GDPD5: variants seen among roughly 807,000 people sequenced by gnomAD.
GDPD5 encodes glycerophosphodiester phosphodiesterase domain containing 5.
GDPD5 carries 48 observed loss-of-function variants against 75.1 expected under a neutral mutation model. The observed-to-expected ratio is 0.64, with a 90% confidence interval of 0.51 to 0.81. The LOEUF (loss-of-function observed/expected upper bound fraction) is 0.81, where lower values mean the gene tolerates loss of function less well. Ranked by LOEUF, GDPD5 falls within the 40% of genes least tolerant of loss-of-function variation. The pLI is 0.00. For missense variants in GDPD5, 706 were observed against 822.6 expected (o/e 0.86, Z 1.73); for synonymous variants, 336 against 339.0 (o/e 0.99, Z 0.10).
chr11:75,471,678 C>T (rs952902245), intron 3 of GDPD5, among the ~76,000 whole-genome samples: 2 of 152,130 alleles, frequency 1.3e-5, no homozygotes, highest in African/African-American at 4.8e-5. Context: ...TCCTGCCCCA[C>T]CCTTGCTCAA....
chr11:75,512,323 C>CACACACACACAG (rs1433320504), intron 1 of GDPD5, among the ~76,000 whole-genome samples: 3 of 148,614 alleles, frequency 2.0e-5, no homozygotes, highest in Admixed American at 6.8e-5. Context: ...CACACACACA[C>CACACACACACAG]ACGAGGGGAG....
In GDPD5 at chr11:75,462,897, A is replaced by T. The variant is rs778145324; in HGVS notation, c.118-8T>A. ...GAACCAGAGGCGCTCCCACTGGAAG[A>T]GCAGAGGAGGAGGGGATTAAGTGGG... On this transcript the variant is annotated splice_region_variant and splice_polypyrimidine_tract_variant and intron_variant, in intron 3 of 16. Transcript: ENST00000336898. 10 of 1,611,284 alleles carry T rather than the reference A, an allele frequency of 6.2e-6. No homozygotes were observed. Among genetic ancestry groups the T allele is most frequent in the Non-Finnish European group, 7.6e-6 (9 of 1,178,226 alleles).
chr11:75,442,668 C>T (rs1252542580), intron 11 of GDPD5, 87 bp from the exon 12 acceptor site: 1 of 1,185,510 alleles, frequency 8.4e-7, no homozygotes, highest in African/African-American at 1.5e-5. Context: ...GCGTGGAGAC[C>T]CCTGGGCTGC....
At chr11:75,477,427 TTCCATGCCCTCCTG>T (rs1238872855) in intron 3 of GDPD5, among the ~76,000 whole-genome samples, 178 bp downstream of exon 3, 7 of 152,260 alleles carry the variant, frequency 4.6e-5, no homozygotes, top group African/African-American at 1.7e-4. Context: ...GACAAACTCC[TTCCATGCCCTCCTG>T]GTCAGTAGAT....
rs143738141 is a variant in GDPD5, at chr11:75,493,681, AG to A, written c.-144-3362del. Among the ~76,000 whole-genome samples the A allele has an allele frequency of 9.6e-3, 1,419 of 147,438 alleles. 23 individuals are homozygous for A. Among genetic ancestry groups the A allele is most frequent in the African/African-American group, 0.032 (1,311 of 40,942 alleles). Reference sequence around the variant, plus strand: ...ATGCTGCTTGGGGGAGGAGTGCAGCAGGGGGGGGCCTAAGTGGCAAAAATAT... The same window carrying A: ...ATGCTGCTTGGGGGAGGAGTGCAGCAGGGGGGGCCTAAGTGGCAAAAATAT... On this transcript the variant is annotated intron_variant, in intron 1 of 16. Transcript: ENST00000336898.
At chr11:75,479,105 G>C (rs1208463510) in intron 2 of GDPD5, 1 of 152,278 alleles carries the variant, frequency 6.6e-6, no homozygotes, top group Middle Eastern at 3.4e-3. Context: ...TGGGAGCCTC[G>C]GCCTCTGGGG....
At position 75,525,859 on chromosome 11, in the gene GDPD5, C is replaced by T. The variant is rs900393487; in HGVS notation, c.-794G>A. 4 of 151,550 alleles carry T rather than the reference C, an allele frequency of 2.6e-5. No individual in the cohort carries two copies. Among genetic ancestry groups the T allele is most frequent in the Admixed American group, 2.6e-4 (4 of 15,202 alleles). 9.4% of individuals were successfully genotyped at this position (151,550 alleles called of 1,614,324 possible). Reference sequence around the variant, plus strand: ...TCCTCCTCTTCCCCTGCTCCCTCGCCGCTCGCTCAGCGCCGCGCCGCTGCC... The same window carrying T: ...TCCTCCTCTTCCCCTGCTCCCTCGCTGCTCGCTCAGCGCCGCGCCGCTGCC... On this transcript the variant is annotated 5_prime_UTR_variant, in exon 1 of 17. Coordinates refer to ENST00000336898, the MANE Select transcript of GDPD5 (RefSeq NM_030792.8).
chr11:75,495,387 C>A (rs184000500), intron 1 of GDPD5, among the ~76,000 whole-genome samples: 137 of 151,472 alleles, frequency 9.0e-4, no homozygotes, highest in Non-Finnish European at 1.7e-3. Context: ...ATCACTTGAA[C>A]CTGAGAAGCA....
rs901433671 is a variant in GDPD5 at position 75,441,906 on chromosome 11, A to G, written c.1168-103T>C. The G allele has an allele frequency of 7.0e-5, 84 of 1,192,592 alleles. No homozygotes were observed. In the African/African-American group the frequency reaches 1.1e-3, roughly 15 times the overall value. The allele number at this position is 1,192,592 out of a possible 1,614,324, so 73.9% of individuals were successfully genotyped here. On this transcript the variant is annotated intron_variant, in intron 12 of 16. Coordinates refer to ENST00000336898, the MANE Select transcript of GDPD5 (RefSeq NM_030792.8). ...GTGGGGTTAAGAGACAGGACCTGGCAGGCGGTGAAAGCTTAGATGAAGTCA... is the reference window on the plus strand; with the variant it reads ...GTGGGGTTAAGAGACAGGACCTGGCGGGCGGTGAAAGCTTAGATGAAGTCA...
At chr11:75,439,377 AGAGAGAGGGGGAGGGG>A in intron 15 of GDPD5, 2 of 456,542 alleles carry the variant, frequency 4.4e-6, no homozygotes, top group Non-Finnish European at 8.8e-6. Flanking sequence ...AGAGTGCAGC[AGAGAGAGGGGGAGGGG>A]GAGAGAGGAG....
chr11:75,522,803 C>A (rs183523265), intron 1 of GDPD5, among the ~76,000 whole-genome samples: 1 of 152,172 alleles, frequency 6.6e-6, no homozygotes, highest in East Asian at 1.9e-4. Context: ...ATTCACTGCA[C>A]CTTGGTGCCT....
intron 15 of GDPD5, chr11:75,437,356 A>C: frequency 2.7e-6 from 1 of 363,708 alleles, no homozygotes; most frequent in Non-Finnish European, 5.0e-6. Flanking sequence ...CTCTCTTTGA[A>C]TGGGACAGAT....
intron 15 of GDPD5, among the ~76,000 whole-genome samples, chr11:75,439,163 C>T (rs555449442): frequency 1.4e-4 from 22 of 152,240 alleles, no homozygotes; most frequent in South Asian, 6.2e-4. Flanking sequence ...GGCAGTGGGA[C>T]GGGAGGAGCA....
chr11:75,514,307 G>A (rs561815623), intron 1 of GDPD5, among the ~76,000 whole-genome samples: 2 of 152,362 alleles, frequency 1.3e-5, no homozygotes, highest in East Asian at 1.9e-4. Context: ...GGAGAAGCAG[G>A]AGAAGGGTCT....
At chr11:75,458,698 A>AAATAAATAAATAAATAAAAT (rs376524229) in intron 4 of GDPD5, among the ~76,000 whole-genome samples, 3 of 57,554 alleles carry the variant, frequency 5.2e-5, no homozygotes, top group African/African-American at 1.3e-4. Flanking sequence ...ATAAATAAAT[A>AAATAAATAAATAAATAAAAT]AAATAAATAA....
intron 9 of GDPD5, among the ~76,000 whole-genome samples, chr11:75,447,287 T>G (rs1949009346): frequency 6.6e-6 from 1 of 152,200 alleles, no homozygotes; most frequent in African/African-American, 2.4e-5. Context: ...TGTAAAAAGA[T>G]ATTTTCGAGA....
At position 75,509,520 on chromosome 11, in the gene GDPD5, T is replaced by C. The variant is rs559159573; in HGVS notation, c.-145+15690A>G. Among the ~76,000 whole-genome samples, 10 of 152,268 alleles carry C rather than the reference T, an allele frequency of 6.6e-5. No individual in the cohort carries two copies. The South Asian group carries it at 2.1e-3, about 32-fold the overall frequency. ...GGGGGATTAATATAAATTGGACAAA[T>C]GAATATTGTTAATGCCAAGAACTGT... On this transcript the variant is annotated intron_variant, in intron 1 of 16. Transcript: ENST00000336898.
chr11:75,443,263 A>G lies in GDPD5; in HGVS notation c.821T>C (p.Met274Thr), dbSNP rs1948881802. ...TISLDGVPFLMHDTTLRRTTN... is the reference protein window; with the variant it reads ...TISLDGVPFLTHDTTLRRTTN... ...GGTGCGCCGCAGGGTGGTGTCATGC[A>G]TGAGGAAGGGCACGCCGTCCAGGCT... The change falls in exon 11 of 17, where the codon ATG becomes ACG. Residue 274 changes from methionine (M) to threonine (T), a missense_variant. Transcript: ENST00000336898. 2.5e-6 allele frequency: 4 copies of G among 1,610,626 alleles called. No individual in the cohort carries two copies. Among genetic ancestry groups the G allele is most frequent in the Non-Finnish European group, 3.4e-6 (4 of 1,178,978 alleles).
chr11:75,500,934 C>G (rs1198400745), intron 1 of GDPD5, among the ~76,000 whole-genome samples: 1 of 152,134 alleles, frequency 6.6e-6, no homozygotes, highest in African/African-American at 2.4e-5. Flanking sequence ...CCCTGACTCT[C>G]CAGCAGGCCT....
Sources: gnomAD v4.1 joint callset for allele counts (sites outside exome capture counted in the v4.1 genomes callset) on GRCh38, gnomAD v4.1.1 for gene constraint, MANE v1.5 for transcripts, NCBI Gene and HGNC (gene_info 2026-07-23, HGNC 2026-07-21) for gene names.